The following LETM1 variants were observed in gnomAD, a reference collection of about 807,000 sequenced individuals.
The protein encoded by LETM1 is leucine zipper and EF-hand containing transmembrane protein 1, also known as mitochondrial proton/calcium exchanger protein.
LETM1 carries 50 observed loss-of-function variants against 74.5 expected under a neutral mutation model. That is an observed-to-expected ratio of 0.67 (90% CI 0.53 to 0.85). The LOEUF is 0.85. Ranked by LOEUF, LETM1 falls within the 40% of genes least tolerant of loss-of-function variation. LETM1 has a pLI of 0.00. For missense variants in LETM1, 824 were observed against 967.8 expected, an observed-to-expected ratio of 0.85 and a Z score of 1.97; for synonymous variants, 446 against 407.1, an observed-to-expected ratio of 1.10 and a Z score of -1.15.
intron 7 of LETM1, among the ~76,000 whole-genome samples, chr4:1,824,201 G>C (rs1375396995): frequency 6.6e-6 from 1 of 152,216 alleles, no homozygotes; most frequent in Non-Finnish European, 1.5e-5. Flanking sequence ...TGCACCTGTA[G>C]TCCCAGCTAC....
At position 1,841,707 on chromosome 4, in the gene LETM1, C is replaced by T. The variant is rs1712703907; in HGVS notation, c.234G>A (p.Glu78=). ...GCGCTCTCGACACTATGCGAAGGCACTCGGGCCTCAGAGCCCAACAGCCGA... is the reference window on the plus strand; with the variant it reads ...GCGCTCTCGACACTATGCGAAGGCATTCGGGCCTCAGAGCCCAACAGCCGA... ...DHLGCWALRP[E]CLRIVSRAPW... Residue 78 remains glutamate, a synonymous_variant, in exon 3 of 14, where the codon GAG becomes GAA. Transcript: ENST00000302787. 1.2e-6 allele frequency: 2 copies of T among 1,614,094 alleles called. No individual in the cohort carries two copies. The highest frequency in any genetic ancestry group is 1.7e-6 in the Non-Finnish European group (2 of 1,180,042).
At chr4:1,840,979 G>A (rs1712669115) in intron 3 of LETM1, among the ~76,000 whole-genome samples, 1 of 152,192 alleles carries the variant, frequency 6.6e-6, no homozygotes, top group South Asian at 2.1e-4. Flanking sequence ...TAGGCAATAG[G>A]TTTTACCGAT....
chr4:1,846,038 G>A (rs1577326399), intron 2 of LETM1, among the ~76,000 whole-genome samples: 1 of 151,404 alleles, frequency 6.6e-6, no homozygotes, highest in East Asian at 1.9e-4. Context: ...TGTATTTTTA[G>A]TAGAGATGGG....
Position 1,831,560 on chromosome 4 carries a change from C to T in LETM1, c.1080+1184G>A, listed in dbSNP as rs893481932. Among the ~76,000 whole-genome samples, 152 of 152,368 alleles carry T rather than the reference C, an allele frequency of 1.0e-3. 4 individuals are homozygous for T. The highest frequency in any genetic ancestry group is 3.3e-3 in the African/African-American group (138 of 41,598). Reference sequence around the variant, plus strand: ...TGGGGAAGTGTGGCGGATACACTGTCAGATGAGAGGAAAGCTCAAGCCCCC... The same window carrying T: ...TGGGGAAGTGTGGCGGATACACTGTTAGATGAGAGGAAAGCTCAAGCCCCC... On this transcript the variant is annotated intron_variant, in intron 6 of 13. Coordinates refer to ENST00000302787, the MANE Select transcript of LETM1 (RefSeq NM_012318.3).
intron 4 of LETM1, among the ~76,000 whole-genome samples, chr4:1,835,488 A>C (rs1329119422): frequency 6.8e-6 from 1 of 146,822 alleles, no homozygotes; most frequent in East Asian, 1.9e-4. Flanking sequence ...AACAAACAAA[A>C]ACAAACAAAC....
intron 3 of LETM1, among the ~76,000 whole-genome samples, chr4:1,838,168 C>T (rs964820097): frequency 2.6e-5 from 4 of 151,770 alleles, no homozygotes; most frequent in African/African-American, 4.8e-5. Flanking sequence ...GGCGCGATCT[C>T]GGCTCACTGC....
At chr4:1,837,252 C>G (rs1022385521) in intron 3 of LETM1, among the ~76,000 whole-genome samples, 1 of 152,126 alleles carries the variant, frequency 6.6e-6, no homozygotes, top group Non-Finnish European at 1.5e-5. Flanking sequence ...AACAAGTGAG[C>G]GTTCCCAGGG....
Position 1,841,694 on chromosome 4 carries a change from C to G in LETM1, c.247G>C (p.Val83Leu). ...WALRPECLRI[V>L]SRAPWTSTSV... ...GTAGAGGTCCATGGCGCTCTCGACACTATGCGAAGGCACTCGGGCCTCAGA... is the reference window on the plus strand; with the variant it reads ...GTAGAGGTCCATGGCGCTCTCGACAGTATGCGAAGGCACTCGGGCCTCAGA... The change falls in exon 3 of 14, where the codon GTG becomes CTG. Residue 83 changes from valine (V) to leucine (L), a missense_variant. Val to Leu is a conservative substitution (Grantham distance 32). This residue lies in a region of LETM1 where 222 missense variants were observed against 195.6 expected (regional missense o/e 1.14). Transcript: ENST00000302787. 6.2e-7 allele frequency: 1 copy of G among 1,614,204 alleles called. No homozygotes were observed. The highest frequency in any genetic ancestry group is 1.7e-5 in the Admixed American group (1 of 60,030).
Position 1,841,654 on chromosome 4 carries a change from A to G in LETM1, c.287T>C (p.Val96Ala). 6.2e-7 allele frequency: 1 copy of G among 1,614,244 alleles called. No individual in the cohort carries two copies. Among genetic ancestry groups the G allele is most frequent in the Non-Finnish European group, 8.5e-7 (1 of 1,180,042 alleles). ...APWTSTSVGF[V>A]AVGPQCLPVR... ...AGGAAGGCACTGAGGTCCCACAGCC[A>G]CAAAACCCACAGAGGTAGAGGTCCA... is the stretch of plus-strand genomic sequence containing the variant. Residue 96 changes from valine (V) to alanine (A), a missense_variant, in exon 3 of 14, where the codon GTG becomes GCG. Transcript: ENST00000302787.
chr4:1,823,500 G>A (rs1711868033), intron 8 of LETM1, 144 bp downstream of exon 8: 5 of 923,372 alleles, frequency 5.4e-6, no homozygotes, highest in South Asian at 4.8e-5. Flanking sequence ...ACAGGTGGCT[G>A]GGTGGGGGCA....
At chr4:1,821,693 G>A (rs563267237) in intron 10 of LETM1, among the ~76,000 whole-genome samples, 1 of 152,250 alleles carries the variant, frequency 6.6e-6, no homozygotes, top group African/African-American at 2.4e-5. Context: ...ACCAGGAGGC[G>A]CCCCAGGTAG....
intron 11 of LETM1, among the ~76,000 whole-genome samples, chr4:1,817,245 C>CAA (rs60805612): frequency 2.4e-3 from 157 of 65,962 alleles, no homozygotes; most frequent in African/African-American, 4.2e-3. Context: ...ACTCTGTCTC[C>CAA]AAAAAAAAAA....
chr4:1,814,316 CA>C lies in LETM1; in HGVS notation c.*107del. ...GATTATGGAAGTCTCTGATTTATTC[CA>C]GCCAAAATATTAGATGAGCCACTGA... On this transcript the variant is annotated 3_prime_UTR_variant, in exon 14 of 14. Transcript: ENST00000302787. The C allele has an allele frequency of 1.3e-6, 2 of 1,524,340 alleles. No homozygotes were observed. Among genetic ancestry groups the C allele is most frequent in the Non-Finnish European group, 1.8e-6 (2 of 1,118,506 alleles). 94.4% of individuals were successfully genotyped at this position (1,524,340 alleles called of 1,614,324 possible).
chr4:1,823,878 G>A, intron 7 of LETM1, 103 bp from the exon 8 acceptor site: 1 of 1,297,352 alleles, frequency 7.7e-7, no homozygotes, highest in Non-Finnish European at 1.1e-6. Flanking sequence ...AGAGAAGACA[G>A]TGTCTCAAGT....
intron 3 of LETM1, among the ~76,000 whole-genome samples, chr4:1,838,261 G>T (rs1054948211): frequency 1.3e-5 from 2 of 151,384 alleles, no homozygotes; most frequent in African/African-American, 2.4e-5. Flanking sequence ...CACCACGACC[G>T]GCTAATTTTT....
intron 2 of LETM1, among the ~76,000 whole-genome samples, chr4:1,843,745 G>A (rs1202503451): frequency 6.6e-6 from 1 of 152,124 alleles, no homozygotes; most frequent in Non-Finnish European, 1.5e-5. Flanking sequence ...CCAGGCGCTG[G>A]CCCAGCCCCA....
At chr4:1,828,709 T>C (rs1200667512) in intron 6 of LETM1, among the ~76,000 whole-genome samples, 471 of 65,560 alleles carry the variant, frequency 7.2e-3, no homozygotes, top group Middle Eastern at 0.04. Flanking sequence ...CCCTCCCGGA[T>C]GGGGCGGCTG....
Position 1,834,432 on chromosome 4 carries a change from C to CGG in LETM1, c.876+412_876+413insCC. 1.0e-6 allele frequency: 1 copy of CGG among 999,838 alleles called. No individual in the cohort carries two copies. The highest frequency in any genetic ancestry group is 1.2e-6 in the Non-Finnish European group (1 of 839,318). The allele number at this position is 999,838 out of a possible 1,614,324, so 61.9% of individuals were successfully genotyped here. ...TCCTCTCCAGCCCCCACTGCTCCCA[C>CGG]AGTCCAGGCCTCTGACCAGCCCCTG... is the stretch of plus-strand genomic sequence containing the variant. On this transcript the variant is annotated intron_variant, in intron 5 of 13. Coordinates refer to ENST00000302787, the MANE Select transcript of LETM1 (RefSeq NM_012318.3). The surrounding 1 kb of genome is among the most constrained non-coding windows in gnomAD (Gnocchi z 5.0).
intron 6 of LETM1, among the ~76,000 whole-genome samples, chr4:1,828,077 C>T (rs1333719555): frequency 3.1e-5 from 4 of 130,534 alleles, no homozygotes; most frequent in African/African-American, 1.2e-4. Context: ...CCGGACGGGG[C>T]GGCTGGCCGG....
Sources: gnomAD v4.1 joint callset for allele counts (sites outside exome capture counted in the v4.1 genomes callset) on GRCh38, gnomAD v4.1.1 for gene constraint, gnomAD v4.1.1 regional missense constraint, Gnocchi (gnomAD v3.1) non-coding constraint, MANE v1.5 for transcripts, NCBI Gene and HGNC (gene_info 2026-07-23, HGNC 2026-07-21) for gene names.